PPP3CB: variants seen among roughly 807,000 people sequenced by gnomAD.
PPP3CB encodes the protein protein phosphatase 3 catalytic subunit beta, also known as serine/threonine-protein phosphatase 2B catalytic subunit beta isoform.
In PPP3CB, 8 loss-of-function variants were observed where a neutral mutation model predicts 66.4. The observed-to-expected ratio is 0.12, with a 90% CI of 0.07 to 0.22. PPP3CB has a LOEUF of 0.22. Among genes scored for constraint, PPP3CB ranks in the 10% least tolerant of loss-of-function variants. The pLI is 1.00. For synonymous variants in PPP3CB, 208 were observed against 221.2 expected (o/e 0.94, Z 0.53); for missense variants, 319 against 642.5 (o/e 0.50, Z 5.44).
intron 10 of PPP3CB, among the ~76,000 whole-genome samples, chr10:73,448,452 G>T (rs1429381257): frequency 6.6e-6 from 1 of 151,874 alleles, no homozygotes; most frequent in East Asian, 1.9e-4. Flanking sequence ...TGAAAAGGAG[G>T]GAAAATATTT....
rs1009366639 is a variant in PPP3CB at position 73,437,688 on chromosome 10, G to T, written c.*554C>A. The T allele has an allele frequency of 6.6e-6, 1 of 152,610 alleles. No individual in the cohort carries two copies. The highest frequency in any genetic ancestry group is 2.4e-5 in the African/African-American group (1 of 41,436). The allele number at this position is 152,610 out of a possible 1,614,324, so 9.5% of individuals were successfully genotyped here. On this transcript the variant is annotated 3_prime_UTR_variant, in exon 14 of 14. Transcript: ENST00000360663. Reference sequence around the variant, plus strand: ...TAAAAAATACCAAGACTATGTTACAGAATTAGCCACATTTAAGAACTATAG... The same window carrying T: ...TAAAAAATACCAAGACTATGTTACATAATTAGCCACATTTAAGAACTATAG...
rs148308010 is a variant in PPP3CB, at chr10:73,443,357, G to GA, written c.1366+1367dup. On this transcript the variant is annotated intron_variant, in intron 12 of 13. Transcript: ENST00000360663. The stretch of plus-strand genomic sequence containing the variant: ...AAGAAAGAGAAGAGAAGAGAGAAAA[G>GA]AAAAAAAAAGAGCACTTATTATGGA... Among the ~76,000 whole-genome samples, 53 of 146,022 alleles carry GA rather than the reference G, an allele frequency of 3.6e-4. 1 individual carries two copies. The highest frequency in any genetic ancestry group is 3.2e-4 in the Non-Finnish European group (21 of 65,780).
At chr10:73,472,232 C>T (rs906338830) in intron 4 of PPP3CB, among the ~76,000 whole-genome samples, 1 of 152,160 alleles carries the variant, frequency 6.6e-6, no homozygotes, top group Non-Finnish European at 1.5e-5. Context: ...CGGTGGCTCA[C>T]GCCTGTAATC....
At chr10:73,469,992 C>G (rs951437376) in intron 8 of PPP3CB, among the ~76,000 whole-genome samples, 2 of 152,166 alleles carry the variant, frequency 1.3e-5, no homozygotes, top group African/African-American at 4.8e-5. Context: ...TTGGCACACA[C>G]TTAACTAGAT....
At chr10:73,491,036 T>G (rs1320516524) in intron 1 of PPP3CB, among the ~76,000 whole-genome samples, 11 of 121,924 alleles carry the variant, frequency 9.0e-5, no homozygotes, top group Middle Eastern at 3.8e-3. Flanking sequence ...TTTTTTTTTT[T>G]TTTTTTTTTT....
At chr10:73,438,932 A>T (rs1207575889) in intron 13 of PPP3CB, among the ~76,000 whole-genome samples, 1 of 152,080 alleles carries the variant, frequency 6.6e-6, no homozygotes, top group East Asian at 1.9e-4. Context: ...ACTATCTTGG[A>T]GGTCAAGGTC....
intron 10 of PPP3CB, among the ~76,000 whole-genome samples, chr10:73,451,826 A>C (rs1266437523): frequency 6.7e-6 from 1 of 149,872 alleles, no homozygotes; most frequent in Non-Finnish European, 1.5e-5. Flanking sequence ...ACTCACTGTA[A>C]CCTCCGCCTC....
At position 73,479,329 on chromosome 10, in the gene PPP3CB, C is replaced by A; in HGVS notation, c.274G>T (p.Ala92Ser). ...RREKTMIEVEAPITVCGDIHG... is the reference protein window; with the variant it reads ...RREKTMIEVESPITVCGDIHG... ...TGAATAAGCTTACCTGTGATTGGAG[C>A]TTCTACTTCTATCATGGTTTTCTCT... Residue 92 changes from alanine (A) to serine (S), a missense_variant, in exon 2 of 14, where the codon GCT becomes TCT. Around this residue, in one of 5 missense-constraint regions of PPP3CB, gnomAD observed 104 missense variants for 128.4 expected, o/e 0.81. Coordinates refer to ENST00000360663, the MANE Select transcript of PPP3CB (RefSeq NM_021132.4). 1 of 1,613,688 alleles carries A rather than the reference C, an allele frequency of 6.2e-7. No homozygotes were observed. Among genetic ancestry groups the A allele is most frequent in the Non-Finnish European group, 8.5e-7 (1 of 1,179,692 alleles).
chr10:73,480,685 T>A (rs1411200875), intron 1 of PPP3CB, among the ~76,000 whole-genome samples: 1 of 152,214 alleles, frequency 6.6e-6, no homozygotes, highest in Non-Finnish European at 1.5e-5. Flanking sequence ...CCTCAGGTGA[T>A]CTGCCCGCCT....
chr10:73,455,919 T>C (rs191765624), intron 9 of PPP3CB, among the ~76,000 whole-genome samples: 22 of 152,336 alleles, frequency 1.4e-4, no homozygotes, highest in African/African-American at 5.3e-4. Flanking sequence ...CCTACTAGAA[T>C]GAAAACTTCA....
At chr10:73,486,113 T>C (rs1424767225) in intron 1 of PPP3CB, among the ~76,000 whole-genome samples, 3 of 148,268 alleles carry the variant, frequency 2.0e-5, no homozygotes, top group African/African-American at 7.5e-5. Flanking sequence ...GCCCGGCTAA[T>C]CTTTGTATTT....
chr10:73,485,602 C>A (rs2056958187), intron 1 of PPP3CB, among the ~76,000 whole-genome samples: 1 of 152,194 alleles, frequency 6.6e-6, no homozygotes, highest in African/African-American at 2.4e-5. Flanking sequence ...TACATCTATA[C>A]TTCTAAATTT....
chr10:73,484,073 G>A (rs1419263029), intron 1 of PPP3CB, among the ~76,000 whole-genome samples: 5 of 151,916 alleles, frequency 3.3e-5, no homozygotes, highest in African/African-American at 1.2e-4. Context: ...ACCTGGTGGG[G>A]TGGAGGTTGT....
intron 1 of PPP3CB, among the ~76,000 whole-genome samples, chr10:73,483,582 A>G (rs1191549832): frequency 1.3e-5 from 2 of 151,724 alleles, no homozygotes; most frequent in Non-Finnish European, 2.9e-5. Flanking sequence ...GCTTGAACCG[A>G]AGAGGTGAAG....
rs1564544710 is a variant in PPP3CB, at chr10:73,437,918, T to TAGGGGAAAAGGG, written c.*323_*324insCCCTTTTCCCCT. 1 of 224,084 alleles carries TAGGGGAAAAGGG rather than the reference T, an allele frequency of 4.5e-6. No homozygotes were observed. Among genetic ancestry groups the TAGGGGAAAAGGG allele is most frequent in the Non-Finnish European group, 8.6e-6 (1 of 116,170 alleles). The allele number at this position is 224,084 out of a possible 1,614,324, so 13.9% of individuals were successfully genotyped here. A position where few individuals can be genotyped will look rare whatever the true frequency, so the allele number is the denominator to read the frequency against. On this transcript the variant is annotated 3_prime_UTR_variant, in exon 14 of 14. Coordinates refer to ENST00000360663, the MANE Select transcript of PPP3CB (RefSeq NM_021132.4). ...ATTGAAAAACAAAATCTAATTCTACTGAAGGGGAAAAGAAATCTGATTTGT... is the reference window on the plus strand; with the variant it reads ...ATTGAAAAACAAAATCTAATTCTACTAGGGGAAAAGGGGAAGGGGAAAAGAAATCTGATTTGT...
intron 9 of PPP3CB, among the ~76,000 whole-genome samples, chr10:73,465,484 C>T (rs1324821372): frequency 6.6e-6 from 1 of 152,042 alleles, no homozygotes; most frequent in Non-Finnish European, 1.5e-5. Flanking sequence ...ATTACATAAG[C>T]CCAGGAGTTC....
At chr10:73,471,326 C>G (rs140376363) in intron 5 of PPP3CB, 117 bp from the exon 6 acceptor site, 18 of 1,351,128 alleles carry the variant, frequency 1.3e-5, no homozygotes, top group Non-Finnish European at 9.1e-6. Flanking sequence ...TGTGAATAAA[C>G]AGAAGTTATT....
intron 9 of PPP3CB, among the ~76,000 whole-genome samples, chr10:73,458,193 G>C (rs2056461222): frequency 6.6e-6 from 1 of 152,168 alleles, no homozygotes; most frequent in African/African-American, 2.4e-5. Context: ...CTGGAGTGCA[G>C]TGGTGTGATC....
chr10:73,474,715 C>T (rs183483872), intron 4 of PPP3CB, among the ~76,000 whole-genome samples: 2 of 152,230 alleles, frequency 1.3e-5, no homozygotes, highest in African/African-American at 2.4e-5. Context: ...GCTGGGATTA[C>T]AGGCGTGAAC....
Sources: gnomAD v4.1 joint callset for allele counts (sites outside exome capture counted in the v4.1 genomes callset) on GRCh38, gnomAD v4.1.1 for gene constraint, gnomAD v4.1.1 regional missense constraint, MANE v1.5 for transcripts, NCBI Gene and HGNC (gene_info 2026-07-23, HGNC 2026-07-21) for gene names.